Variants in CHST9 observed in about 807,000 individuals in gnomAD.
CHST9 encodes the protein carbohydrate sulfotransferase 9, also known as GalNAc-4-sulfotransferase 2.
CHST9 carries 41 observed loss-of-function variants against 44.4 expected under a neutral mutation model. The observed-to-expected ratio is 0.92, with a 90% CI of 0.72 to 1.20. The LOEUF (loss-of-function observed/expected upper bound fraction) is 1.20. CHST9 is among the 50% of genes most tolerant of loss of function. CHST9 has a pLI of 0.00. For synonymous variants in CHST9, 171 were observed against 178.4 expected, an observed-to-expected ratio of 0.96 and a Z score of 0.33; for missense variants, 504 against 516.5, an observed-to-expected ratio of 0.98 and a Z score of 0.23.
At chr18:27,114,905 T>G (rs1360378613) in intron 2 of CHST9, among the ~76,000 whole-genome samples, 1 of 152,204 alleles carries the variant, frequency 6.6e-6, no homozygotes, top group Non-Finnish European at 1.5e-5. Context: ...AAATCTCATC[T>G]TGAACTGTAA....
At chr18:26,967,856 GCAGAAGAAGGT>G (rs1244624599) in intron 4 of CHST9, among the ~76,000 whole-genome samples, 4 of 152,146 alleles carry the variant, frequency 2.6e-5, no homozygotes, top group Non-Finnish European at 5.9e-5. Context: ...ATAAAAGCAG[GCAGAAGAAGGT>G]GGAAAGACTA....
At chr18:27,061,686 T>A (rs1003157163) in intron 2 of CHST9, among the ~76,000 whole-genome samples, 1 of 152,180 alleles carries the variant, frequency 6.6e-6, no homozygotes, top group African/African-American at 2.4e-5. Flanking sequence ...GGGGCTTTGA[T>A]GTGTGTATCA....
rs75616224 is a variant in CHST9 at position 27,007,693 on chromosome 18, T to C, written c.202+16423A>G. On this transcript the variant is annotated intron_variant, in intron 4 of 5. Transcript: ENST00000618847. ...TTTCTAGAAGGAGAGGATAATAAGATTAGGACAGGTCATGTCAGATGGACA... is the reference window on the plus strand; with the variant it reads ...TTTCTAGAAGGAGAGGATAATAAGACTAGGACAGGTCATGTCAGATGGACA... 5.2e-3 allele frequency among the ~76,000 whole-genome samples: 792 copies of C among 152,106 alleles called. 6 individuals carry two copies. Among genetic ancestry groups the C allele is most frequent in the African/African-American group, 0.018 (764 of 41,506 alleles).
At chr18:27,079,783 G>A (rs766925746) in intron 2 of CHST9, among the ~76,000 whole-genome samples, 5 of 152,074 alleles carry the variant, frequency 3.3e-5, no homozygotes, top group Non-Finnish European at 5.9e-5. Context: ...TGTCCACCCC[G>A]GCCTTCTGCA....
chr18:27,133,441 G>T (rs2058488731), intron 2 of CHST9, among the ~76,000 whole-genome samples: 1 of 152,136 alleles, frequency 6.6e-6, no homozygotes, highest in African/African-American at 2.4e-5. Context: ...GACTCAAAAA[G>T]CTAGGGCAGA....
chr18:27,166,741 C>A (rs1397510907), intron 1 of CHST9, among the ~76,000 whole-genome samples: 1 of 152,160 alleles, frequency 6.6e-6, no homozygotes, highest in Non-Finnish European at 1.5e-5. Context: ...TTTCCCTCTA[C>A]TGTTTTAGGG....
chr18:27,041,637 G>A (rs1485524247), intron 3 of CHST9, among the ~76,000 whole-genome samples: 2 of 152,098 alleles, frequency 1.3e-5, no homozygotes, highest in Admixed American at 6.6e-5. Context: ...TGACTATGTG[G>A]TGTGACATGG....
In CHST9 at chr18:27,018,663, TATC is replaced by T. The variant is rs560225882; in HGVS notation, c.202+5450_202+5452del. Reference sequence around the variant, plus strand: ...AAGATTTATGCTGAATTTTAAAAAATATCATCATGTTCATCAATTCTTATAAGA... The same window carrying T: ...AAGATTTATGCTGAATTTTAAAAAATATCATGTTCATCAATTCTTATAAGA... On this transcript the variant is annotated intron_variant, in intron 4 of 5. Transcript: ENST00000618847. Among the ~76,000 whole-genome samples the T allele has an allele frequency of 4.6e-3, 699 of 152,292 alleles. 14 individuals carry two copies. Among genetic ancestry groups the T allele is most frequent in the African/African-American group, 0.016 (654 of 41,576 alleles).
chr18:27,140,756 G>T (rs939860707), intron 2 of CHST9, among the ~76,000 whole-genome samples: 7 of 152,090 alleles, frequency 4.6e-5, no homozygotes, highest in African/African-American at 1.7e-4. Context: ...TTATATTTCA[G>T]GAGGAATTAG....
chr18:26,981,492 T>A (rs2145191835), intron 4 of CHST9, among the ~76,000 whole-genome samples: 1 of 152,356 alleles, frequency 6.6e-6, no homozygotes, highest in African/African-American at 2.4e-5. Flanking sequence ...CAAGTGTTAC[T>A]AATTTCCATT....
chr18:27,090,548 T>C (rs2058058271), intron 2 of CHST9, among the ~76,000 whole-genome samples: 1 of 152,232 alleles, frequency 6.6e-6, no homozygotes, highest in South Asian at 2.1e-4. Context: ...TGGTATTGCC[T>C]AGGTTTTCTT....
intron 1 of CHST9, among the ~76,000 whole-genome samples, chr18:27,176,033 G>C (rs946907036): frequency 1.3e-5 from 2 of 151,996 alleles, no homozygotes; most frequent in African/African-American, 4.8e-5. Flanking sequence ...GAGAATGCTT[G>C]AGTTTGTGTT....
chr18:27,010,848 A>T (rs561584060), intron 4 of CHST9, among the ~76,000 whole-genome samples: 1 of 152,274 alleles, frequency 6.6e-6, no homozygotes, highest in East Asian at 1.9e-4. Context: ...AGCTATAGTC[A>T]CTTGCAGGAA....
intron 1 of CHST9, among the ~76,000 whole-genome samples, chr18:27,148,454 G>C (rs1433799256): frequency 8.0e-6 from 1 of 124,712 alleles, no homozygotes; most frequent in East Asian, 2.3e-4. Flanking sequence ...TCCCCTTCCT[G>C]TGTCCATGTA....
At chr18:27,071,042 AG>A (rs1482444289) in intron 2 of CHST9, among the ~76,000 whole-genome samples, 3 of 152,110 alleles carry the variant, frequency 2.0e-5, no homozygotes, top group Non-Finnish European at 4.4e-5. Context: ...CCCTGTGGCC[AG>A]CCTCTGCCAA....
chr18:27,160,469 CA>C (rs1259247249), intron 1 of CHST9, among the ~76,000 whole-genome samples: 2 of 152,182 alleles, frequency 1.3e-5, no homozygotes, highest in Admixed American at 1.3e-4. Context: ...CCCACTTGAT[CA>C]TGGTGGATAA....
At chr18:27,092,031 C>T (rs1396911255) in intron 2 of CHST9, among the ~76,000 whole-genome samples, 1 of 152,050 alleles carries the variant, frequency 6.6e-6, no homozygotes, top group Non-Finnish European at 1.5e-5. Context: ...GTACCAGCTC[C>T]CTTTGTACCT....
At chr18:26,970,424 CTATTATTAT>C (rs994833893) in intron 4 of CHST9, among the ~76,000 whole-genome samples, 2 of 151,840 alleles carry the variant, frequency 1.3e-5, no homozygotes, top group Admixed American at 6.6e-5. Flanking sequence ...GAGGTACGTA[CTATTATTAT>C]TATTATTATT....
intron 5 of CHST9, chr18:26,936,247 TGAC>T (rs1694180215): frequency 6.6e-6 from 1 of 152,206 alleles, no homozygotes; most frequent in South Asian, 2.1e-4. Flanking sequence ...TCTGAGATGA[TGAC>T]TACTCGAATA....
Sources: gnomAD v4.1 joint callset for allele counts (sites outside exome capture counted in the v4.1 genomes callset) on GRCh38, gnomAD v4.1.1 for gene constraint, MANE v1.5 for transcripts, NCBI Gene and HGNC (gene_info 2026-07-23, HGNC 2026-07-21) for gene names.